Variants in CPLX2 observed in about 807,000 individuals in gnomAD.
CPLX2 encodes the protein complexin 2.
CPLX2 carries 5 observed loss-of-function variants against 16.3 expected under a neutral mutation model. That is an observed-to-expected ratio of 0.31 (90% confidence interval 0.16 to 0.64). The LOEUF (loss-of-function observed/expected upper bound fraction) is 0.64. Ranked by LOEUF, CPLX2 falls within the 30% of genes least tolerant of loss-of-function variation. CPLX2 has a pLI of 0.79. For synonymous variants in CPLX2, 89 were observed against 73.2 expected (o/e 1.22, Z -1.10); for missense variants, 144 against 181.4 (o/e 0.79, Z 1.18).
intron 2 of CPLX2, among the ~76,000 whole-genome samples, chr5:175,824,399 C>T (rs1463500030): frequency 6.6e-6 from 1 of 152,216 alleles, no homozygotes; most frequent in Admixed American, 6.5e-5. Context: ...GCCCTCCCTT[C>T]TTCTAACCCC....
At chr5:175,831,735 A>T (rs1758739046) in intron 2 of CPLX2, among the ~76,000 whole-genome samples, 1 of 152,226 alleles carries the variant, frequency 6.6e-6, no homozygotes, top group South Asian at 2.1e-4. Flanking sequence ...AGGTCAACCA[A>T]GAACTATGAC....
In CPLX2 at chr5:175,830,191, C is replaced by T. The variant is rs1323146128; in HGVS notation, c.-89+21123C>T. Among the ~76,000 whole-genome samples the T allele has an allele frequency of 6.6e-6, 1 of 152,222 alleles. No homozygotes were observed. Among genetic ancestry groups the T allele is most frequent in the Non-Finnish European group, 1.5e-5 (1 of 68,030 alleles). On this transcript the variant is annotated intron_variant, in intron 2 of 4. Coordinates refer to the CPLX2 transcript ENST00000359546. The surrounding 1 kb of genome is among the most constrained non-coding windows in gnomAD (Gnocchi z 4.0). ...TGGGCAGAGGGACAGGCAGGGAGGGCACTGCCGCCACAGAGCTGCCCTGGT... is the reference window on the plus strand; with the variant it reads ...TGGGCAGAGGGACAGGCAGGGAGGGTACTGCCGCCACAGAGCTGCCCTGGT...
intron 2 of CPLX2, among the ~76,000 whole-genome samples, chr5:175,844,683 C>T (rs943387173): frequency 6.6e-6 from 1 of 152,178 alleles, no homozygotes; most frequent in Admixed American, 6.5e-5. Flanking sequence ...TGCGAAGGGC[C>T]GGAGGCTGGC....
At chr5:175,843,404 C>T (rs1035041990) in intron 2 of CPLX2, among the ~76,000 whole-genome samples, 1 of 152,226 alleles carries the variant, frequency 6.6e-6, no homozygotes, top group South Asian at 2.1e-4. Flanking sequence ...ACACACACAG[C>T]GCTGTGCATG....
intron 1 of CPLX2, chr5:175,878,275 G>C (rs1259275908): frequency 6.4e-6 from 1 of 157,162 alleles, no homozygotes; most frequent in East Asian, 1.9e-4. Flanking sequence ...CTGGGGACTC[G>C]AGCAGGTTAG....
chr5:175,836,338 A>C (rs928176922), intron 2 of CPLX2, among the ~76,000 whole-genome samples: 2 of 151,806 alleles, frequency 1.3e-5, no homozygotes, highest in African/African-American at 4.8e-5. Context: ...CGACAGAGCG[A>C]GACTCCGTCT....
chr5:175,856,659 C>T (rs967694284), intron 2 of CPLX2, among the ~76,000 whole-genome samples: 4 of 152,128 alleles, frequency 2.6e-5, no homozygotes, highest in Non-Finnish European at 4.4e-5. Flanking sequence ...GAGGAGGGAG[C>T]GGGAGAGACT....
intron 1 of CPLX2, among the ~76,000 whole-genome samples, chr5:175,797,357 G>A (rs1758006047): frequency 6.6e-6 from 1 of 151,000 alleles, no homozygotes; most frequent in African/African-American, 2.4e-5. Context: ...CCGAGGCCTG[G>A]CCGTGCAATG....
At chr5:175,860,311 T>C (rs931312403) in intron 2 of CPLX2, among the ~76,000 whole-genome samples, 2 of 151,926 alleles carry the variant, frequency 1.3e-5, no homozygotes, top group African/African-American at 4.8e-5. Flanking sequence ...TAGCCCCAGC[T>C]ACTGCAGATG....
intron 2 of CPLX2, among the ~76,000 whole-genome samples, chr5:175,822,328 G>A (rs959975360): frequency 3.9e-5 from 6 of 152,060 alleles, no homozygotes; most frequent in Admixed American, 1.3e-4. Flanking sequence ...AGGTGCCCTG[G>A]TAGACCACGT....
intron 2 of CPLX2, among the ~76,000 whole-genome samples, chr5:175,862,291 T>C (rs1759387303): frequency 6.6e-6 from 1 of 152,170 alleles, no homozygotes; most frequent in African/African-American, 2.4e-5. Flanking sequence ...AAAGCAACCT[T>C]AAGTATAAAG....
At chr5:175,797,695 T>A (rs1201461826) in intron 1 of CPLX2, among the ~76,000 whole-genome samples, 2 of 151,930 alleles carry the variant, frequency 1.3e-5, no homozygotes, top group South Asian at 4.1e-4. Flanking sequence ...CCAGGCTCCC[T>A]CTCTCCCTCA....
At chr5:175,870,151 A>G (rs1025424773), upstream of CPLX2, among the ~76,000 whole-genome samples, 5 of 152,204 alleles carry the variant, frequency 3.3e-5, no homozygotes, top group African/African-American at 9.6e-5. Flanking sequence ...AATAAAGAAT[A>G]AGCATTCTAT....
chr5:175,867,240 G>A (rs1044570698), upstream of CPLX2, among the ~76,000 whole-genome samples: 1 of 152,050 alleles, frequency 6.6e-6, no homozygotes, highest in Non-Finnish European at 1.5e-5. Context: ...CTGCCCAGTG[G>A]TAATGACACA....
At chr5:175,866,042 A>C (rs947740911) in intron 2 of CPLX2, among the ~76,000 whole-genome samples, 6 of 152,230 alleles carry the variant, frequency 3.9e-5, no homozygotes, top group Non-Finnish European at 7.3e-5. Flanking sequence ...GAGGATTCTA[A>C]TGTGTAAAAA....
chr5:175,818,810 C>T (rs751785599), intron 2 of CPLX2, among the ~76,000 whole-genome samples: 9 of 151,906 alleles, frequency 5.9e-5, no homozygotes, highest in South Asian at 2.1e-4. Context: ...TACAGGCATG[C>T]GCCACTATGC....
intron 2 of CPLX2, among the ~76,000 whole-genome samples, chr5:175,821,139 C>T (rs1459458815): frequency 6.6e-6 from 1 of 152,156 alleles, no homozygotes; most frequent in African/African-American, 2.4e-5. Context: ...TTCTTCCTCC[C>T]AATCCTACTG....
At chr5:175,843,896 C>T (rs1758994506) in intron 2 of CPLX2, among the ~76,000 whole-genome samples, 1 of 152,246 alleles carries the variant, frequency 6.6e-6, no homozygotes, top group African/African-American at 2.4e-5. Context: ...GAGCACAGAG[C>T]TCTGGGCAGG....
chr5:175,880,436 C>A lies in CPLX2; in HGVS notation c.*391C>A, dbSNP rs1438978605. 6 of 323,562 alleles carry A rather than the reference C, an allele frequency of 1.9e-5. No homozygotes were observed. Among genetic ancestry groups the A allele is most frequent in the Non-Finnish European group, 3.0e-5 (5 of 165,938 alleles). The allele number at this position is 323,562 out of a possible 1,614,324, so 20.0% of individuals were successfully genotyped here. A position where few individuals can be genotyped will look rare whatever the true frequency, so the allele number is the denominator to read the frequency against. ...CCCTGCCCAGCATGCTGACCTTTGG[C>A]CTCTAACCCTCAGTGGGCCCCCAGG... On this transcript the variant is annotated 3_prime_UTR_variant, in exon 4 of 4. Transcript: ENST00000393745.
Sources: allele counts gnomAD v4.1 joint callset (sites outside exome capture counted in the v4.1 genomes callset), GRCh38; gene constraint gnomAD v4.1.1; non-coding constraint Gnocchi (gnomAD v3.1); transcripts MANE v1.5; gene names NCBI Gene and HGNC (gene_info 2026-07-23, HGNC 2026-07-21).